PTPN11: variants seen among roughly 807,000 people sequenced by gnomAD.
PTPN11 encodes protein tyrosine phosphatase non-receptor type 11.
PTPN11 carries 6 observed loss-of-function variants against 78.8 expected under a neutral mutation model. The observed-to-expected ratio is 0.08, with a 90% CI of 0.04 to 0.15. PTPN11 has a LOEUF of 0.15. Ranked by LOEUF, PTPN11 falls within the 10% of genes least tolerant of loss-of-function variation. The probability of loss-of-function intolerance (pLI) is 1.00; values close to 1 mark genes in which losing one functional copy is unlikely to be tolerated. For synonymous variants in PTPN11, 221 were observed against 263.5 expected, an observed-to-expected ratio of 0.84 and a Z score of 1.56; for missense variants, 386 against 744.8, an observed-to-expected ratio of 0.52 and a Z score of 5.61.
intron 11 of PTPN11, 47 bp downstream of exon 11, chr12:112,486,676 C>T (rs761114310): frequency 1.8e-5 from 29 of 1,606,832 alleles, no homozygotes; most frequent in African/African-American, 4.0e-5. Context: ...TCCCTGTCTC[C>T]TAGCGCCCAG....
chr12:112,477,584 C>G (rs2135900660), intron 7 of PTPN11, 67 bp from the exon 8 acceptor site: 12 of 1,267,244 alleles, frequency 9.5e-6, no homozygotes, highest in Non-Finnish European at 1.4e-5. Context: ...TGGGGAGTAA[C>G]TGATTTGAAC....
At chr12:112,444,567 C>T (rs1032893517) in intron 1 of PTPN11, among the ~76,000 whole-genome samples, 9 of 152,072 alleles carry the variant, frequency 5.9e-5, no homozygotes, top group Non-Finnish European at 5.9e-5. Context: ...CCCGAACTCC[C>T]GACCTCAGGT....
Position 112,507,683 on chromosome 12 carries a change from G to C in PTPN11, c.*1891G>C, listed in dbSNP as rs1398742204. The C allele has an allele frequency of 6.6e-6, 1 of 152,646 alleles. No individual in the cohort carries two copies. Among genetic ancestry groups the C allele is most frequent in the Non-Finnish European group, 1.5e-5 (1 of 68,044 alleles). 9.5% of individuals were successfully genotyped at this position (152,646 alleles called of 1,614,324 possible). A position where few individuals can be genotyped will look rare whatever the true frequency, so the allele number is the denominator to read the frequency against. On this transcript the variant is annotated 3_prime_UTR_variant, in exon 16 of 16. Transcript: ENST00000351677. The stretch of plus-strand genomic sequence containing the variant: ...TTTGCCATGAAGTTGTGGCCTCCTT[G>C]GATTCTTCTGACTTTGGCTTCTGAA...
At chr12:112,465,074 T>C (rs2038305189) in intron 6 of PTPN11, among the ~76,000 whole-genome samples, 1 of 152,196 alleles carries the variant, frequency 6.6e-6, no homozygotes, top group Non-Finnish European at 1.5e-5. Context: ...GCAATGTGTG[T>C]GTTATTGTAC....
Position 112,455,952 on chromosome 12 carries a change from C to A in PTPN11, c.645C>A (p.Pro215=), listed in dbSNP as rs1282957821. ...TLGTVLQLKQ[P]LNTTRINAAE... ...CATCAACTGCTGTACTCGATCAGCC[C>A]CTTAACACGACTCGTATAAATGCTG... Residue 215 remains proline, a splice_region_variant and synonymous_variant, in exon 6 of 16, where the codon CCC becomes CCA. Transcript: ENST00000351677. 6 of 1,588,696 alleles carry A rather than the reference C, an allele frequency of 3.8e-6. No individual in the cohort carries two copies. The highest frequency in any genetic ancestry group is 5.2e-6 in the Non-Finnish European group (6 of 1,158,934).
chr12:112,464,914 A>G (rs972007856), intron 6 of PTPN11, among the ~76,000 whole-genome samples: 6 of 152,184 alleles, frequency 3.9e-5, no homozygotes, highest in Non-Finnish European at 7.3e-5. Context: ...ATCTGTGTAA[A>G]TATCTCTCAC....
chr12:112,454,098 T>C (rs2038118559), intron 4 of PTPN11, among the ~76,000 whole-genome samples: 1 of 152,100 alleles, frequency 6.6e-6, no homozygotes, highest in South Asian at 2.1e-4. Context: ...ATTTACACTT[T>C]TAGTATATTT....
Position 112,502,179 on chromosome 12 carries a change from T to C in PTPN11, c.1635T>C (p.Ile545=), listed in dbSNP as rs1166186438. ...GGAAAGGGCACGAATATACAAATAT[T>C]AAGTATTCTCTAGCGGACCAGACGA... ...SKRKGHEYTN[I]KYSLADQTSG... Residue 545 remains isoleucine (I), a synonymous_variant, in exon 14 of 16, where the codon ATT becomes ATC. Transcript: ENST00000351677. 1.2e-6 allele frequency: 2 copies of C among 1,613,898 alleles called. No homozygotes were observed. The highest frequency in any genetic ancestry group is 1.7e-5 in the Admixed American group (1 of 59,998).
chr12:112,441,288 G>A (rs376297587), intron 1 of PTPN11, among the ~76,000 whole-genome samples: 1 of 148,904 alleles, frequency 6.7e-6, no homozygotes, highest in South Asian at 2.1e-4. Context: ...CTGAGAAGAG[G>A]TCTTGCTCGA....
At chr12:112,443,507 C>T (rs1384256593) in intron 1 of PTPN11, among the ~76,000 whole-genome samples, 9 of 151,772 alleles carry the variant, frequency 5.9e-5, no homozygotes, top group Admixed American at 4.6e-4. Context: ...TGCAGGCCTG[C>T]GCCACCTTGC....
intron 9 of PTPN11, among the ~76,000 whole-genome samples, chr12:112,479,144 A>G (rs2038556686): frequency 6.6e-6 from 1 of 152,120 alleles, no homozygotes. Flanking sequence ...ACTCTTCAAG[A>G]CACTTCAGAT....
chr12:112,477,880 C>T lies in PTPN11; in HGVS notation c.957C>T (p.Asn319=), dbSNP rs771407775. ...IIMPEFETKC[N]NSKPKKSYIA... ...AGCCTGAATTTGAAACCAAGTGCAA[C>T]AATTCAAAGCCCAAAAAGAGTTACA... The change falls in exon 9 of 16, where the codon AAC becomes AAT. Residue 319 remains asparagine, a synonymous_variant. Transcript: ENST00000351677. 1 of 1,614,030 alleles carries T rather than the reference C, an allele frequency of 6.2e-7. No homozygotes were observed.
chr12:112,502,878 G>A (rs1382426392), intron 14 of PTPN11, among the ~76,000 whole-genome samples: 3 of 152,172 alleles, frequency 2.0e-5, no homozygotes, highest in Non-Finnish European at 4.4e-5. Context: ...GATGGGCTGG[G>A]GATTGTAACA....
At chr12:112,441,652 CA>C in intron 1 of PTPN11, among the ~76,000 whole-genome samples, 1 of 152,168 alleles carries the variant, frequency 6.6e-6, no homozygotes, top group East Asian at 1.9e-4. Flanking sequence ...TAGAACTCTA[CA>C]TTTAATATTG....
chr12:112,484,487 G>A (rs1355470543), intron 10 of PTPN11, among the ~76,000 whole-genome samples: 8 of 152,198 alleles, frequency 5.3e-5, no homozygotes, highest in Admixed American at 5.2e-4. Context: ...GGCCGGATGA[G>A]GGGGACAGGG....
chr12:112,484,449 A>C (rs2038643718), intron 10 of PTPN11, among the ~76,000 whole-genome samples: 1 of 152,120 alleles, frequency 6.6e-6, no homozygotes, highest in African/African-American at 2.4e-5. Flanking sequence ...TGGTAGAGAG[A>C]GACTGTCCCC....
intron 1 of PTPN11, among the ~76,000 whole-genome samples, chr12:112,430,536 C>T (rs1333038283): frequency 6.6e-6 from 1 of 152,166 alleles, no homozygotes; most frequent in South Asian, 2.1e-4. Flanking sequence ...TCAAGCAATC[C>T]TCCCGTCTCA....
At chr12:112,449,461 T>C (rs1246778124) in intron 2 of PTPN11, among the ~76,000 whole-genome samples, 1 of 151,836 alleles carries the variant, frequency 6.6e-6, no homozygotes, top group African/African-American at 2.4e-5. Flanking sequence ...GAGCCAAGAT[T>C]GCACCACTGC....
intron 6 of PTPN11, among the ~76,000 whole-genome samples, chr12:112,460,877 G>C (rs941410655): frequency 6.6e-6 from 1 of 151,984 alleles, no homozygotes; most frequent in African/African-American, 2.4e-5. Flanking sequence ...AAGTCTCTTA[G>C]AATACTTTGA....
Sources: allele counts gnomAD v4.1 joint callset (sites outside exome capture counted in the v4.1 genomes callset), GRCh38; gene constraint gnomAD v4.1.1; transcripts MANE v1.5; gene names NCBI Gene and HGNC (gene_info 2026-07-23, HGNC 2026-07-21).